The following PRPS2 variants were observed in gnomAD, a reference collection of about 807,000 sequenced individuals.
The protein encoded by PRPS2 is ribose-phosphate pyrophosphokinase 2.
For synonymous variants in PRPS2, 111 were observed against 115.3 expected (o/e 0.96, Z 0.24); for missense variants, 104 against 271.5 (o/e 0.38, Z 4.34).
intron 1 of PRPS2, among the ~76,000 whole-genome samples, chrX:12,794,162 C>T (rs1000121268): frequency 8.9e-6 from 1 of 112,647 alleles, no homozygotes; most frequent in African/African-American, 3.2e-5. Flanking sequence ...GTGAAGAAAG[C>T]TTGTTTTTGC....
At chrX:12,818,366 C>CAAAAAAAAAAAA (rs35450855) in intron 4 of PRPS2, among the ~76,000 whole-genome samples, 1 of 62,909 alleles carries the variant, frequency 1.6e-5, no homozygotes, top group African/African-American at 6.1e-5. Flanking sequence ...GAAACTGTCT[C>CAAAAAAAAAAAA]AAAAAAAAAA....
chrX:12,798,799 T>C (rs2042555854), intron 1 of PRPS2, among the ~76,000 whole-genome samples: 1 of 111,675 alleles, frequency 9.0e-6, no homozygotes, highest in Non-Finnish European at 1.9e-5. Flanking sequence ...TCATGCTGAA[T>C]GCCTGTGAGT....
intron 1 of PRPS2, among the ~76,000 whole-genome samples, 166 bp downstream of exon 1, chrX:12,791,785 GA>G (rs1224415200): frequency 9.1e-6 from 1 of 110,242 alleles, no homozygotes; most frequent in East Asian, 2.9e-4. Flanking sequence ...CCGCGCCTGC[GA>G]AGAAACCGAG....
chrX:12,814,267 G>A (rs1376318564), intron 4 of PRPS2, among the ~76,000 whole-genome samples: 1 of 111,401 alleles, frequency 9.0e-6, no homozygotes, highest in Non-Finnish European at 1.9e-5. Flanking sequence ...TTGTTTTGTT[G>A]AGACCTCCTT....
intron 2 of PRPS2, among the ~76,000 whole-genome samples, chrX:12,809,013 C>T (rs953268095): frequency 8.9e-5 from 10 of 112,140 alleles, no homozygotes; most frequent in Admixed American, 6.6e-4. Flanking sequence ...GTTCTCTATA[C>T]CCAGCGTCAA....
In PRPS2 at chrX:12,809,341, G is replaced by A. The variant is rs767199636; in HGVS notation, c.405+9G>A. Reference sequence around the variant, plus strand: ...ATGCTTCTCAGATACAGGTATCCGTGTTTTCCTTCTGCAAATGGTTAAATC... The same window carrying A: ...ATGCTTCTCAGATACAGGTATCCGTATTTTCCTTCTGCAAATGGTTAAATC... On this transcript the variant is annotated intron_variant, in intron 3 of 6. Coordinates refer to ENST00000380668, the MANE Select transcript of PRPS2 (RefSeq NM_002765.5). The A allele has an allele frequency of 8.4e-7, 1 of 1,194,255 alleles. No individual in the cohort carries two copies. Among genetic ancestry groups the A allele is most frequent in the South Asian group, 1.8e-5 (1 of 55,136 alleles).
rs764928533 is a variant in PRPS2, at chrX:12,819,941, G to A, written c.704+261G>A. 1.4e-4 allele frequency among the ~76,000 whole-genome samples: 16 copies of A among 112,286 alleles called. No homozygotes were observed. In the East Asian group the frequency reaches 1.7e-3, roughly 12 times the overall value. On this transcript the variant is annotated intron_variant, in intron 5 of 6. Coordinates refer to ENST00000380668, the MANE Select transcript of PRPS2 (RefSeq NM_002765.5). The stretch of plus-strand genomic sequence containing the variant: ...AGGTGCTTCCCTTTGCACTGAGCAC[G>A]ACAGGAAAGATGGTTTTTCGGGCTT...
At chrX:12,805,452 T>C (rs749255918) in intron 2 of PRPS2, among the ~76,000 whole-genome samples, 1 of 112,120 alleles carries the variant, frequency 8.9e-6, no homozygotes, top group African/African-American at 3.2e-5. Context: ...TTTTGGGCTT[T>C]GTGGGCCGTT....
intron 5 of PRPS2, among the ~76,000 whole-genome samples, chrX:12,820,128 T>C (rs2042668593): frequency 8.9e-6 from 1 of 112,654 alleles, no homozygotes; most frequent in Non-Finnish European, 1.9e-5. Flanking sequence ...TGAGATGTGC[T>C]GAGAGTATAA....
At chrX:12,822,659 A>T (rs1209014415) in intron 6 of PRPS2, 45 bp from the exon 7 acceptor site, 1 of 1,085,072 alleles carries the variant, frequency 9.2e-7, no homozygotes, top group Non-Finnish European at 1.3e-6. Context: ...TCTAACTAAG[A>T]TGTCCTGCTT....
At position 12,809,195 on chromosome X, in the gene PRPS2, C is replaced by T. The variant is rs2042610388; in HGVS notation, c.307-39C>T. On this transcript the variant is annotated intron_variant, in intron 2 of 6. Coordinates refer to ENST00000380668, the MANE Select transcript of PRPS2 (RefSeq NM_002765.5). ...TTAGTGGGAGGAATCTAACAGTATC[C>T]ATCTTTTCCTGTTATAAAATTAATG... 3.6e-6 allele frequency: 4 copies of T among 1,107,666 alleles called. No individual in the cohort carries two copies. In the Admixed American group the frequency reaches 6.9e-5, roughly 19 times the overall value. The allele number at this position is 1,107,666 out of a possible 1,213,427, so 91.3% of individuals were successfully genotyped here.
chrX:12,800,550 A>G (rs2042564315), intron 2 of PRPS2, among the ~76,000 whole-genome samples: 2 of 111,424 alleles, frequency 1.8e-5, no homozygotes, highest in Admixed American at 1.9e-4. Context: ...TGTGTTCCGT[A>G]TCTTATGGAT....
At position 12,791,539 on chromosome X, in the gene PRPS2, C is replaced by T. The variant is rs1348113027; in HGVS notation, c.42C>T (p.Asp14=). The change falls in exon 1 of 7, where the codon GAC becomes GAT. Residue 14 remains aspartate (D), a synonymous_variant. Coordinates refer to ENST00000380668, the MANE Select transcript of PRPS2 (RefSeq NM_002765.5). The part of the protein sequence containing the change: ...IVLFSGSSHQ[D]LSQRVADRLG... ...TGTTCAGCGGCAGCTCGCATCAGGACCTGTCCCAGCGCGTGGCCGACCGCC... is the reference window on the plus strand; with the variant it reads ...TGTTCAGCGGCAGCTCGCATCAGGATCTGTCCCAGCGCGTGGCCGACCGCC... 7 of 1,202,894 alleles carry T rather than the reference C, an allele frequency of 5.8e-6. No homozygotes were observed. The African/African-American group carries it at 7.1e-5, about 12-fold the overall frequency.
intron 1 of PRPS2, among the ~76,000 whole-genome samples, chrX:12,796,627 G>A (rs1266081779): frequency 9.0e-6 from 1 of 111,409 alleles, no homozygotes; most frequent in African/African-American, 3.3e-5. Context: ...TTCATTTTGG[G>A]ATGAATAAAT....
chrX:12,796,989 C>T (rs1376853378), intron 1 of PRPS2, among the ~76,000 whole-genome samples: 1 of 107,835 alleles, frequency 9.3e-6, no homozygotes, highest in Non-Finnish European at 1.9e-5. Flanking sequence ...TGTCGACACT[C>T]AGAAAGTTTC....
chrX:12,803,645 T>A (rs970264888), intron 2 of PRPS2, among the ~76,000 whole-genome samples: 9 of 112,232 alleles, frequency 8.0e-5, no homozygotes, highest in South Asian at 7.3e-4. Context: ...ACCTGAATAA[T>A]CCAGGATAAT....
intron 2 of PRPS2, among the ~76,000 whole-genome samples, chrX:12,805,101 C>A (rs2042587261): frequency 8.9e-6 from 1 of 111,866 alleles, no homozygotes; most frequent in African/African-American, 3.3e-5. Flanking sequence ...GTACAAGACA[C>A]CAGGGACAGA....
At chrX:12,817,323 A>C (rs911370932) in intron 4 of PRPS2, among the ~76,000 whole-genome samples, 1 of 110,800 alleles carries the variant, frequency 9.0e-6, no homozygotes, top group African/African-American at 3.3e-5. Flanking sequence ...CTTTGAGTGC[A>C]AATGTACATT....
At chrX:12,816,490 A>C (rs1205328998) in intron 4 of PRPS2, among the ~76,000 whole-genome samples, 8 of 110,133 alleles carry the variant, frequency 7.3e-5, no homozygotes, top group African/African-American at 2.3e-4. Flanking sequence ...TTTTGTAGAG[A>C]TGGGGTTTTA....
Sources: gnomAD v4.1 joint callset for allele counts (sites outside exome capture counted in the v4.1 genomes callset) on GRCh38, gnomAD v4.1.1 for gene constraint, MANE v1.5 for transcripts, NCBI Gene and HGNC (gene_info 2026-07-23, HGNC 2026-07-21) for gene names.